ARHGAP18: variants seen among roughly 807,000 people sequenced by gnomAD.
ARHGAP18 encodes rho GTPase-activating protein 18.
Under a neutral mutation model 86.2 loss-of-function variants are expected in ARHGAP18, and 67 were observed. The ratio of observed to expected loss-of-function variants is 0.78; its 90% CI spans 0.64 to 0.95. The LOEUF is 0.95. Among genes scored for constraint, ARHGAP18 ranks in the 40% least tolerant of loss-of-function variants. The pLI, the probability that ARHGAP18 is intolerant of heterozygous loss-of-function variation, is 0.00. For missense variants in ARHGAP18, 691 were observed against 780.4 expected (o/e 0.89, Z 1.37); for synonymous variants, 283 against 280.4 (o/e 1.01, Z -0.09).
intron 1 of ARHGAP18, among the ~76,000 whole-genome samples, chr6:129,664,437 A>G (rs930826545): frequency 6.6e-6 from 1 of 151,868 alleles, no homozygotes; most frequent in African/African-American, 2.4e-5. Context: ...TTGAAATCCC[A>G]TGAGATGTTT....
chr6:129,649,621 T>A (rs1773661991), intron 1 of ARHGAP18, among the ~76,000 whole-genome samples: 1 of 151,014 alleles, frequency 6.6e-6, no homozygotes, highest in South Asian at 2.1e-4. Flanking sequence ...TTTTCAGTGT[T>A]CACCCACTTC....
At chr6:129,654,473 C>A (rs1294182403) in intron 1 of ARHGAP18, among the ~76,000 whole-genome samples, 1 of 152,190 alleles carries the variant, frequency 6.6e-6, no homozygotes, top group East Asian at 1.9e-4. Flanking sequence ...ACCAGGCTTA[C>A]ACTAGCCTAC....
chr6:129,634,005 G>GAAA, intron 4 of ARHGAP18, 37 bp downstream of exon 4: 1 of 1,497,802 alleles, frequency 6.7e-7, no homozygotes, highest in African/African-American at 1.5e-5. Context: ...ATTAAAGGGC[G>GAAA]GAAAAAAAAA....
At chr6:129,646,890 A>G (rs1257536309) in intron 1 of ARHGAP18, among the ~76,000 whole-genome samples, 20 of 152,210 alleles carry the variant, frequency 1.3e-4, no homozygotes, top group Admixed American at 1.3e-3. Flanking sequence ...AGGTGTTCCC[A>G]GACCACGCTT....
intron 13 of ARHGAP18, among the ~76,000 whole-genome samples, chr6:129,581,326 ATGTTCCACC>A (rs1411584058): frequency 1.6e-4 from 24 of 152,096 alleles, no homozygotes; most frequent in Admixed American, 1.3e-4. Flanking sequence ...CCCTCACGCT[ATGTTCCACC>A]TGCTGCACTG....
intron 12 of ARHGAP18, chr6:129,598,893 C>T (rs763614739): frequency 1.8e-5 from 3 of 167,964 alleles, no homozygotes; most frequent in Non-Finnish European, 3.8e-5. Context: ...ATTCAGTAGG[C>T]GACTAGAGTC....
At chr6:129,585,922 G>C (rs1320350048) in intron 12 of ARHGAP18, among the ~76,000 whole-genome samples, 1 of 152,036 alleles carries the variant, frequency 6.6e-6, no homozygotes, top group African/African-American at 2.4e-5. Flanking sequence ...TTGGTTTTTT[G>C]ACTTATTGAT....
At chr6:129,613,652 A>G in intron 7 of ARHGAP18, among the ~76,000 whole-genome samples, 1 of 152,216 alleles carries the variant, frequency 6.6e-6, no homozygotes, top group South Asian at 2.1e-4. Context: ...CCAGCACCCA[A>G]TAGAGTTACG....
At chr6:129,581,494 T>A (rs6916392) in intron 13 of ARHGAP18, among the ~76,000 whole-genome samples, 1 of 152,164 alleles carries the variant, frequency 6.6e-6, no homozygotes, top group Non-Finnish European at 1.5e-5. Flanking sequence ...GAAAACCAAA[T>A]TGAATGTTTC....
At chr6:129,701,785 A>G (rs1386313823) in intron 1 of ARHGAP18, among the ~76,000 whole-genome samples, 2 of 152,192 alleles carry the variant, frequency 1.3e-5, no homozygotes, top group South Asian at 2.1e-4. Flanking sequence ...AAAAAAAACA[A>G]AAAACAAAAA....
chr6:129,582,575 T>A (rs924723268), intron 13 of ARHGAP18, among the ~76,000 whole-genome samples: 1 of 152,148 alleles, frequency 6.6e-6, no homozygotes, highest in Non-Finnish European at 1.5e-5. Flanking sequence ...GGATTGACTT[T>A]GCAGAAACTG....
intron 5 of ARHGAP18, among the ~76,000 whole-genome samples, chr6:129,625,101 ATAT>A (rs1789332978): frequency 1.2e-5 from 1 of 82,700 alleles, no homozygotes; most frequent in South Asian, 3.2e-4. Flanking sequence ...TATATGATAT[ATAT>A]TATATATTAT....
At chr6:129,614,601 G>A (rs1044650979) in intron 7 of ARHGAP18, among the ~76,000 whole-genome samples, 34 of 152,184 alleles carry the variant, frequency 2.2e-4, no homozygotes, top group African/African-American at 6.0e-4. Context: ...GCAATCCTCA[G>A]CCGGATCACG....
Position 129,588,121 on chromosome 6 carries a change from C to CTTTT in ARHGAP18, c.1714-4013_1714-4010dup, listed in dbSNP as rs398066269. 7.5e-3 allele frequency among the ~76,000 whole-genome samples: 1,074 copies of CTTTT among 142,592 alleles called. 14 individuals are homozygous for CTTTT. Among genetic ancestry groups the CTTTT allele is most frequent in the African/African-American group, 0.014 (544 of 38,128 alleles). The allele number at this position is 142,592 out of a possible 152,430, so 93.5% of individuals were successfully genotyped here. Reference sequence around the variant, plus strand: ...AAATCCAACAGGGAAGTCACCAAATCTTTTTTTTTTTTTTGCAATGGAGTC... The same window carrying CTTTT: ...AAATCCAACAGGGAAGTCACCAAATCTTTTTTTTTTTTTTTTTTGCAATGGAGTC... On this transcript the variant is annotated intron_variant, in intron 12 of 14. Transcript: ENST00000368149.
chr6:129,654,707 C>T (rs1773790801), intron 1 of ARHGAP18, among the ~76,000 whole-genome samples: 1 of 152,226 alleles, frequency 6.6e-6, no homozygotes, highest in Non-Finnish European at 1.5e-5. Context: ...ACTTCCGCCT[C>T]TAGTCTTCCA....
intron 1 of ARHGAP18, among the ~76,000 whole-genome samples, chr6:129,669,918 C>T (rs1774112197): frequency 6.6e-6 from 1 of 152,088 alleles, no homozygotes; most frequent in Admixed American, 6.5e-5. Context: ...CCTTAATTTT[C>T]TAGAGTGAAC....
At chr6:129,659,456 T>TTTTTA (rs149541405) in intron 1 of ARHGAP18, among the ~76,000 whole-genome samples, 17 of 151,008 alleles carry the variant, frequency 1.1e-4, no homozygotes, top group Admixed American at 2.0e-4. Flanking sequence ...CCTAGAATTT[T>TTTTTA]TTTTATTTTA....
chr6:129,663,212 G>A (rs1167067671), intron 1 of ARHGAP18, among the ~76,000 whole-genome samples: 2 of 152,126 alleles, frequency 1.3e-5, no homozygotes, highest in African/African-American at 4.8e-5. Context: ...GAGCTGAAAC[G>A]ACCCTAGAGA....
At chr6:129,599,181 A>T in intron 12 of ARHGAP18, 35 bp downstream of exon 12, 7 of 1,435,210 alleles carry the variant, frequency 4.9e-6, no homozygotes, top group Non-Finnish European at 5.5e-6. Context: ...AATACTTAAG[A>T]TCTGAATAAA....
Sources: allele counts gnomAD v4.1 joint callset (sites outside exome capture counted in the v4.1 genomes callset), GRCh38; gene constraint gnomAD v4.1.1; transcripts MANE v1.5; gene names NCBI Gene and HGNC (gene_info 2026-07-23, HGNC 2026-07-21).